The following TRPC7 variants were observed in gnomAD, a reference collection of about 807,000 sequenced individuals.
The protein encoded by TRPC7 is transient receptor potential cation channel subfamily C member 7, also known as short transient receptor potential channel 7.
TRPC7 carries 42 observed loss-of-function variants against 90.1 expected under a neutral mutation model. That is an observed-to-expected ratio of 0.47 (90% confidence interval 0.36 to 0.60). TRPC7 has a LOEUF of 0.60. Among genes scored for constraint, TRPC7 ranks in the 20% least tolerant of loss-of-function variants. The probability of loss-of-function intolerance (pLI) is 0.00; values close to 1 mark genes in which losing one functional copy is unlikely to be tolerated. For synonymous variants in TRPC7, 451 were observed against 436.3 expected, an observed-to-expected ratio of 1.03 and a Z score of -0.42; for missense variants, 955 against 1,112.3, an observed-to-expected ratio of 0.86 and a Z score of 2.01.
intron 1 of TRPC7, among the ~76,000 whole-genome samples, chr5:136,359,127 T>C (rs986922393): frequency 2.0e-5 from 3 of 152,190 alleles, no homozygotes; most frequent in East Asian, 3.8e-4. Context: ...AATGTTTAAA[T>C]TGGGGACTCC....
At chr5:136,292,762 G>T (rs1434293787) in intron 3 of TRPC7, among the ~76,000 whole-genome samples, 1 of 152,122 alleles carries the variant, frequency 6.6e-6, no homozygotes, top group African/African-American at 2.4e-5. Context: ...CCAATCAATA[G>T]AAAAAGAGGG....
intron 4 of TRPC7, among the ~76,000 whole-genome samples, chr5:136,267,547 T>C (rs374903536): frequency 1.2e-4 from 18 of 152,308 alleles, no homozygotes; most frequent in East Asian, 1.2e-3. Context: ...CAACAGAAGA[T>C]CAATTACAGG....
intron 1 of TRPC7, among the ~76,000 whole-genome samples, chr5:136,362,887 C>T (rs960586352): frequency 1.3e-5 from 2 of 152,094 alleles, no homozygotes; most frequent in African/African-American, 4.8e-5. Context: ...CTCCTGATGC[C>T]TTGCATATGG....
At chr5:136,318,736 A>G (rs1269218505) in intron 2 of TRPC7, among the ~76,000 whole-genome samples, 1 of 151,906 alleles carries the variant, frequency 6.6e-6, no homozygotes, top group Non-Finnish European at 1.5e-5. Context: ...TCCCTTCTCC[A>G]ACTACCACCT....
At chr5:136,277,331 T>C (rs1185174647) in intron 3 of TRPC7, among the ~76,000 whole-genome samples, 1 of 152,248 alleles carries the variant, frequency 6.6e-6, no homozygotes, top group Admixed American at 6.5e-5. Context: ...CATTTATCTC[T>C]ATAATAAAGC....
At chr5:136,284,272 G>A (rs558802590) in intron 3 of TRPC7, among the ~76,000 whole-genome samples, 3 of 152,236 alleles carry the variant, frequency 2.0e-5, no homozygotes, top group East Asian at 1.9e-4. Context: ...TGTCATCAGG[G>A]GCCAACCCCC....
intron 2 of TRPC7, among the ~76,000 whole-genome samples, chr5:136,350,188 C>G (rs1204905020): frequency 1.3e-5 from 2 of 152,116 alleles, no homozygotes; most frequent in Admixed American, 1.3e-4. Context: ...TGTATCCTAC[C>G]CTCCATTTTT....
At position 136,332,318 on chromosome 5, in the gene TRPC7, G is replaced by T. The variant is rs1163797513; in HGVS notation, c.781-16539C>A. Among the ~76,000 whole-genome samples, 22 of 152,112 alleles carry T rather than the reference G, an allele frequency of 1.4e-4. 1 individual carries two copies. On this transcript the variant is annotated intron_variant, in intron 2 of 11. Transcript: ENST00000513104. ...AAGAGATGAGGCTAAGGGAGCAGCA[G>T]GAGCACGATGATCAGAGCCCCGACA...
chr5:136,310,338 T>C (rs1311991019), intron 3 of TRPC7, among the ~76,000 whole-genome samples: 2 of 152,234 alleles, frequency 1.3e-5, no homozygotes, highest in Non-Finnish European at 2.9e-5. Flanking sequence ...GGGAATTTTT[T>C]TTAAAAATAC....
In TRPC7 at chr5:136,219,464, T is replaced by C. The variant is rs536683011; in HGVS notation, c.2344-3189A>G. Among the ~76,000 whole-genome samples the C allele has an allele frequency of 3.9e-5, 6 of 152,300 alleles. No individual in the cohort carries two copies. The East Asian group carries it at 1.2e-3, about 29-fold the overall frequency. On this transcript the variant is annotated intron_variant, in intron 10 of 11. Coordinates refer to ENST00000513104, the MANE Select transcript of TRPC7 (RefSeq NM_020389.3). ...GGAGAGCAGTGTGACTGCCTGCCAG[T>C]TCTTAAAGACTTCATGTCCTGCCAG...
intron 2 of TRPC7, among the ~76,000 whole-genome samples, chr5:136,345,231 G>A (rs1759967835): frequency 1.3e-5 from 2 of 152,118 alleles, no homozygotes; most frequent in Admixed American, 6.6e-5. Flanking sequence ...TGTACCTGGA[G>A]GTTGGGGAGG....
At chr5:136,342,630 T>C (rs1368143821) in intron 2 of TRPC7, among the ~76,000 whole-genome samples, 2 of 152,168 alleles carry the variant, frequency 1.3e-5, no homozygotes, top group South Asian at 4.1e-4. Context: ...TGCTCTATGG[T>C]GGAAACACAC....
chr5:136,296,637 A>T (rs931002665), intron 3 of TRPC7, among the ~76,000 whole-genome samples: 2 of 152,198 alleles, frequency 1.3e-5, no homozygotes, highest in Non-Finnish European at 1.5e-5. Flanking sequence ...CAAATCACAA[A>T]ATTATTTACC....
At chr5:136,336,506 G>GTT (rs903793126) in intron 2 of TRPC7, among the ~76,000 whole-genome samples, 9 of 144,374 alleles carry the variant, frequency 6.2e-5, no homozygotes, top group African/African-American at 1.3e-4. Flanking sequence ...GGAAAGGAAG[G>GTT]TTTTTTTTTT....
chr5:136,344,904 A>G (rs1171865865), intron 2 of TRPC7, among the ~76,000 whole-genome samples: 1 of 152,190 alleles, frequency 6.6e-6, no homozygotes, highest in East Asian at 1.9e-4. Context: ...ACACATGTGC[A>G]AGCACACACG....
intron 2 of TRPC7, among the ~76,000 whole-genome samples, chr5:136,320,197 T>C (rs1678867752): frequency 6.6e-6 from 1 of 152,192 alleles, no homozygotes; most frequent in Admixed American, 6.5e-5. Flanking sequence ...GATTGCTACC[T>C]TCCTTTCATA....
chr5:136,365,182 C>T lies in TRPC7; in HGVS notation c.2+71G>A, dbSNP rs141962557. 1.1e-3 allele frequency: 1,666 copies of T among 1,490,372 alleles called. 40 individuals are homozygous for T. In the East Asian group the frequency reaches 0.035, roughly 32 times the overall value. The allele number at this position is 1,490,372 out of a possible 1,614,324, so 92.3% of individuals were successfully genotyped here. A position where few individuals can be genotyped will look rare whatever the true frequency, so the allele number is the denominator to read the frequency against. ...AGGCTGATAAATGAAAGTTCAATTA[C>T]ATATTTTAGCGAGAACACAACCTCT... On this transcript the variant is annotated intron_variant, in intron 1 of 11. Transcript: ENST00000513104.
At chr5:136,300,451 A>T (rs963601701) in intron 3 of TRPC7, among the ~76,000 whole-genome samples, 1 of 152,198 alleles carries the variant, frequency 6.6e-6, no homozygotes, top group Non-Finnish European at 1.5e-5. Context: ...ACAGGGCCAC[A>T]CTGGAAGCTA....
chr5:136,313,750 C>CA (rs2149838395), intron 3 of TRPC7, among the ~76,000 whole-genome samples: 1 of 152,314 alleles, frequency 6.6e-6, no homozygotes, highest in East Asian at 1.9e-4. Flanking sequence ...CTATGGATTA[C>CA]AGCAGACACT....
Sources: allele counts gnomAD v4.1 joint callset (sites outside exome capture counted in the v4.1 genomes callset), GRCh38; gene constraint gnomAD v4.1.1; transcripts MANE v1.5; gene names NCBI Gene and HGNC (gene_info 2026-07-23, HGNC 2026-07-21).